The following SCG5 variants were observed in gnomAD, a reference collection of about 807,000 sequenced individuals.
SCG5 encodes neuroendocrine protein 7B2.
Under a neutral mutation model 25.7 loss-of-function variants are expected in SCG5, and 18 were observed. The observed-to-expected ratio is 0.70, with a 90% confidence interval of 0.48 to 1.04. SCG5 has a LOEUF of 1.04. Among genes scored for constraint, SCG5 ranks in the 50% least tolerant of loss-of-function variants. The pLI is 0.00. For missense variants in SCG5, 206 were observed against 259.8 expected (o/e 0.79, Z 1.42); for synonymous variants, 101 against 91.7 (o/e 1.10, Z -0.58).
At chr15:32,645,720 AT>A (rs763945806) in intron 2 of SCG5, among the ~76,000 whole-genome samples, 5 of 152,242 alleles carry the variant, frequency 3.3e-5, no homozygotes, top group Non-Finnish European at 7.3e-5. Flanking sequence ...AACTAAAAAA[AT>A]AAAAGGCATG....
At chr15:32,646,239 T>C (rs2053942664) in intron 2 of SCG5, among the ~76,000 whole-genome samples, 1 of 152,248 alleles carries the variant, frequency 6.6e-6, no homozygotes, top group African/African-American at 2.4e-5. Flanking sequence ...ACAGCATTCA[T>C]TTATTATTTG....
At chr15:32,656,056 G>A (rs989868156) in intron 2 of SCG5, 2 of 152,146 alleles carry the variant, frequency 1.3e-5, no homozygotes, top group Admixed American at 1.3e-4. Context: ...GCTAAGCACT[G>A]GGAACCATAG....
At chr15:32,693,189 A>AAACT (rs1396292699) in intron 5 of SCG5, among the ~76,000 whole-genome samples, 1 of 152,228 alleles carries the variant, frequency 6.6e-6, no homozygotes, top group African/African-American at 2.4e-5. Context: ...ACTTAGCTTG[A>AAACT]AACTTTAATT....
intron 4 of SCG5, among the ~76,000 whole-genome samples, chr15:32,687,055 C>G (rs1358245503): frequency 6.9e-6 from 1 of 144,776 alleles, no homozygotes; most frequent in Non-Finnish European, 1.6e-5. Flanking sequence ...CACCAGTAGG[C>G]TAGGAATGAG....
intron 5 of SCG5, chr15:32,692,412 T>C (rs2054875702): frequency 3.8e-6 from 1 of 265,968 alleles, no homozygotes; most frequent in Non-Finnish European, 5.8e-6. Flanking sequence ...CTACTTCATA[T>C]ACAGTGTTGC....
At chr15:32,648,142 C>T (rs1181127186) in intron 2 of SCG5, among the ~76,000 whole-genome samples, 2 of 152,110 alleles carry the variant, frequency 1.3e-5, no homozygotes, top group Non-Finnish European at 1.5e-5. Flanking sequence ...GAGTAGTGCC[C>T]CTGCTTAGCC....
intron 2 of SCG5, chr15:32,673,120 C>T (rs554170864): frequency 6.6e-6 from 1 of 152,156 alleles, no homozygotes; most frequent in Non-Finnish European, 1.5e-5. Context: ...AGGTGTTTAC[C>T]TCTAATTCCC....
intron 3 of SCG5, 198 bp from the exon 4 acceptor site, chr15:32,684,359 C>A (rs180930023): frequency 3.7e-6 from 2 of 546,658 alleles, no homozygotes; most frequent in East Asian, 6.2e-5. Context: ...GCCAGTGAGT[C>A]TCTGCACAGG....
chr15:32,649,444 T>A (rs2140503273), intron 2 of SCG5, among the ~76,000 whole-genome samples: 1 of 152,320 alleles, frequency 6.6e-6, no homozygotes, highest in Non-Finnish European at 1.5e-5. Flanking sequence ...ATGACTGTGA[T>A]CACCATGGTG....
At chr15:32,654,304 G>A (rs2054078727) in intron 2 of SCG5, among the ~76,000 whole-genome samples, 1 of 152,212 alleles carries the variant, frequency 6.6e-6, no homozygotes, top group African/African-American at 2.4e-5. Flanking sequence ...TGATTCATAG[G>A]TGGCTGTCTT....
intron 2 of SCG5, among the ~76,000 whole-genome samples, chr15:32,658,829 C>T (rs1032326066): frequency 2.0e-5 from 3 of 152,136 alleles, no homozygotes; most frequent in Non-Finnish European, 2.9e-5. Flanking sequence ...ACCAACACCA[C>T]GGGGATCTCT....
At chr15:32,677,355 A>T (rs2054548554) in intron 2 of SCG5, among the ~76,000 whole-genome samples, 2 of 152,360 alleles carry the variant, frequency 1.3e-5, no homozygotes, top group African/African-American at 4.8e-5. Context: ...AGCCAGAGTG[A>T]TGCAATGTCA....
At chr15:32,651,286 G>A (rs908453576) in intron 2 of SCG5, among the ~76,000 whole-genome samples, 5 of 152,204 alleles carry the variant, frequency 3.3e-5, no homozygotes, top group African/African-American at 1.2e-4. Context: ...GAGACCCAAG[G>A]TTATTTTCTT....
At chr15:32,655,133 C>T (rs143826519) in intron 2 of SCG5, among the ~76,000 whole-genome samples, 4,737 of 152,122 alleles carry the variant, frequency 0.031, 99 homozygotes, top group Middle Eastern at 0.061. Flanking sequence ...ACGGTGAAAC[C>T]CCGTCTCTAC....
intron 4 of SCG5, among the ~76,000 whole-genome samples, chr15:32,689,778 C>T (rs527259148): frequency 7.2e-5 from 11 of 152,182 alleles, no homozygotes; most frequent in African/African-American, 2.6e-4. Context: ...AATCCTAACC[C>T]TAGCTCTTAA....
chr15:32,660,093 G>A (rs758484769), intron 2 of SCG5, among the ~76,000 whole-genome samples: 4 of 152,128 alleles, frequency 2.6e-5, no homozygotes, highest in African/African-American at 9.7e-5. Context: ...TTTTTTCCCT[G>A]TGTGGTCAGT....
Position 32,663,074 on chromosome 15 carries a change from TATATAA to T in SCG5, c.227-16691_227-16686del, listed in dbSNP as rs1394588313. Among the ~76,000 whole-genome samples the T allele has an allele frequency of 5.2e-3, 308 of 59,140 alleles. 1 individual carries two copies. Among genetic ancestry groups the T allele is most frequent in the African/African-American group, 0.016 (287 of 18,240 alleles). 38.8% of individuals were successfully genotyped at this position (59,140 alleles called of 152,430 possible). On this transcript the variant is annotated intron_variant, in intron 2 of 5. Coordinates refer to ENST00000300175, the MANE Select transcript of SCG5 (RefSeq NM_001144757.3). The stretch of plus-strand genomic sequence containing the variant: ...ATATATATATATATATATATATATA[TATATAA>T]TATATAATATGTTATATATACACAT...
chr15:32,681,185 T>C (rs2140574409), intron 3 of SCG5, among the ~76,000 whole-genome samples: 1 of 152,286 alleles, frequency 6.6e-6, no homozygotes, highest in African/African-American at 2.4e-5. Context: ...GCAAGCCTAA[T>C]AATAATAATA....
intron 2 of SCG5, chr15:32,673,138 T>A (rs1033368251): frequency 6.6e-6 from 1 of 152,124 alleles, no homozygotes; most frequent in African/African-American, 2.4e-5. Context: ...CCCACAGAAC[T>A]AGCGTAAGTA....
Sources: gnomAD v4.1 joint callset for allele counts (sites outside exome capture counted in the v4.1 genomes callset) on GRCh38, gnomAD v4.1.1 for gene constraint, MANE v1.5 for transcripts, NCBI Gene and HGNC (gene_info 2026-07-23, HGNC 2026-07-21) for gene names.